CENPI: variants seen among roughly 807,000 people sequenced by gnomAD.
CENPI encodes centromere protein I, also known as FSH primary response 1.
A neutral mutation model predicts 60.4 loss-of-function variants in CENPI; 4 were observed. The ratio of observed to expected loss-of-function variants is 0.07; its 90% CI spans 0.03 to 0.15. CENPI has a LOEUF of 0.15. CENPI is among the 10% of genes least tolerant of loss of function. CENPI has a pLI of 1.00. For missense variants in CENPI, 444 were observed against 534.5 expected, an observed-to-expected ratio of 0.83 and a Z score of 1.67; for synonymous variants, 157 against 189.4, an observed-to-expected ratio of 0.83 and a Z score of 1.40.
rs148218470 is a variant in CENPI at position 101,127,173 on chromosome X, G to A, written c.813G>A (p.Thr271=). ...YFKNSENLWK[T]ALLAVKQRNR... ...AGAATTCAGAGAATCTATGGAAGAC[G>A]GCTCTGCTTGCCGTGAAGCAAAGAA... The change falls in exon 10 of 22, where the codon ACG becomes ACA. Residue 271 remains threonine, a synonymous_variant. Transcript: ENST00000682095. 15 of 1,186,081 alleles carry A rather than the reference G, an allele frequency of 1.3e-5. No homozygotes were observed. In the East Asian group the frequency reaches 1.8e-4, roughly 14 times the overall value.
At chrX:101,147,238 T>C (rs1602842831) in intron 18 of CENPI, among the ~76,000 whole-genome samples, 2 of 111,198 alleles carry the variant, frequency 1.8e-5, no homozygotes, top group Middle Eastern at 9.2e-3. Context: ...TTATTTTACT[T>C]TAAGTTCTGG....
chrX:101,136,300 G>T (rs2089847750), intron 15 of CENPI, among the ~76,000 whole-genome samples: 1 of 111,732 alleles, frequency 8.9e-6, no homozygotes, highest in Non-Finnish European at 1.9e-5. Context: ...GAAGGTGTAT[G>T]TTTAGGTTAC....
At chrX:101,099,357 G>A (rs915331235) in intron 2 of CENPI, among the ~76,000 whole-genome samples, 20 of 109,038 alleles carry the variant, frequency 1.8e-4, no homozygotes, top group Non-Finnish European at 3.6e-4. Context: ...GAACCCGGGA[G>A]GCGGAGGTTG....
At chrX:101,152,456 G>A (rs1033868632) in intron 20 of CENPI, among the ~76,000 whole-genome samples, 3 of 109,751 alleles carry the variant, frequency 2.7e-5, no homozygotes, top group Admixed American at 9.8e-5. Context: ...TTGCTCTGTC[G>A]CCTGGGCTGG....
the CENPI span, among the ~76,000 whole-genome samples, chrX:101,172,214 A>G: frequency 8.9e-6 from 1 of 112,022 alleles, no homozygotes; most frequent in Non-Finnish European, 1.9e-5. Flanking sequence ...TTGGAACATA[A>G]ATATTGCAGC....
At chrX:101,167,042 C>T (rs193272820), downstream of CENPI, among the ~76,000 whole-genome samples, 56 of 113,057 alleles carry the variant, frequency 5.0e-4, no homozygotes, top group African/African-American at 1.8e-3. Context: ...GCGTAAGCCA[C>T]AGCACCCGGC....
intron 20 of CENPI, among the ~76,000 whole-genome samples, chrX:101,159,364 G>A (rs1331046080): frequency 2.7e-5 from 3 of 109,534 alleles, no homozygotes; most frequent in Non-Finnish European, 5.7e-5. Flanking sequence ...GGGTTTCACC[G>A]TGTTAGCCAG....
At chrX:101,121,670 G>A (rs1295273198) in intron 8 of CENPI, among the ~76,000 whole-genome samples, 3 of 110,819 alleles carry the variant, frequency 2.7e-5, no homozygotes, top group East Asian at 2.8e-4. Flanking sequence ...AGAGGGAACA[G>A]CATGAGCAAA....
At chrX:101,155,239 GAGTGCAGTAGTGC>G (rs1317877254) in intron 20 of CENPI, among the ~76,000 whole-genome samples, 2 of 111,248 alleles carry the variant, frequency 1.8e-5, no homozygotes, top group Non-Finnish European at 3.8e-5. Flanking sequence ...GCCCAGGCTG[GAGTGCAGTAGTGC>G]AGTCTTGGCT....
At chrX:101,158,661 C>T (rs1290211469) in intron 20 of CENPI, among the ~76,000 whole-genome samples, 3 of 103,253 alleles carry the variant, frequency 2.9e-5, no homozygotes, top group Non-Finnish European at 5.9e-5. Flanking sequence ...GACAGTGTCT[C>T]GCTCTGGCAC....
At chrX:101,132,493 GTAT>G (rs759340222) in intron 15 of CENPI, 37 bp downstream of exon 15, 1 of 1,054,540 alleles carries the variant, frequency 9.5e-7, no homozygotes, top group South Asian at 1.9e-5. Context: ...TCAATAGGAT[GTAT>G]TATTCTATTG....
rs780253983 is a variant in CENPI at position 101,146,284 on chromosome X, A to G, written c.1826+7A>G. 35 of 1,194,888 alleles carry G rather than the reference A, an allele frequency of 2.9e-5. No homozygotes were observed. The highest frequency in any genetic ancestry group is 1.1e-4 in the Admixed American group (5 of 43,912). ...TGTGTTTTATTATGCACAGGTACAAAGCCTTTTTACCATTTTATGAAACAG... is the reference window on the plus strand; with the variant it reads ...TGTGTTTTATTATGCACAGGTACAAGGCCTTTTTACCATTTTATGAAACAG... On this transcript the variant is annotated splice_region_variant and intron_variant, in intron 18 of 21. Coordinates refer to ENST00000682095, the MANE Select transcript of CENPI (RefSeq NM_001386188.2).
chrX:101,131,915 A>T (rs2089798981), intron 13 of CENPI, among the ~76,000 whole-genome samples: 1 of 112,014 alleles, frequency 8.9e-6, no homozygotes, highest in African/African-American at 3.2e-5. Context: ...TTATTTTTTT[A>T]AAAATATTCT....
chrX:101,109,088 T>G (rs1470763081), intron 4 of CENPI, among the ~76,000 whole-genome samples: 4 of 96,222 alleles, frequency 4.2e-5, no homozygotes, highest in East Asian at 3.2e-4. Context: ...TTTTTTTTTT[T>G]TTTTTTTTTT....
At chrX:101,145,425 A>G (rs2089953572) in intron 17 of CENPI, among the ~76,000 whole-genome samples, 1 of 110,832 alleles carries the variant, frequency 9.0e-6, no homozygotes, top group Non-Finnish European at 1.9e-5. Context: ...AGGTACCACT[A>G]CATTGACCTG....
intron 8 of CENPI, among the ~76,000 whole-genome samples, chrX:101,124,070 C>T (rs2089707510): frequency 9.7e-6 from 1 of 103,623 alleles, no homozygotes; most frequent in South Asian, 4.5e-4. Context: ...TGTGGTTGCA[C>T]GGTTGTACAT....
chrX:101,101,328 C>T, intron 3 of CENPI, 32 bp downstream of exon 3: 1 of 967,902 alleles, frequency 1.0e-6, no homozygotes, highest in Non-Finnish European at 1.5e-6. Flanking sequence ...TATGAAACTC[C>T]TATTTCTGTA....
chrX:101,099,163 A>C (rs1397159560), intron 2 of CENPI, among the ~76,000 whole-genome samples: 1 of 109,209 alleles, frequency 9.2e-6, no homozygotes, highest in Non-Finnish European at 1.9e-5. Context: ...GTGGTGGCTC[A>C]CGCCTGTAAT....
At chrX:101,180,675 C>T in the CENPI span, among the ~76,000 whole-genome samples, 1 of 111,778 alleles carries the variant, frequency 8.9e-6, no homozygotes. Context: ...TTGCCTAGTC[C>T]AGGGTCATGA....
Sources: allele counts gnomAD v4.1 joint callset (sites outside exome capture counted in the v4.1 genomes callset), GRCh38; gene constraint gnomAD v4.1.1; transcripts MANE v1.5; gene names NCBI Gene and HGNC (gene_info 2026-07-23, HGNC 2026-07-21).